FHOD3: variants seen among roughly 807,000 people sequenced by gnomAD.
The protein encoded by FHOD3 is FH1/FH2 domain-containing protein 3.
Under a neutral mutation model 173.0 loss-of-function variants are expected in FHOD3, and 90 were observed. The ratio of observed to expected loss-of-function variants is 0.52; its 90% CI spans 0.44 to 0.62. The LOEUF is 0.62. Among genes scored for constraint, FHOD3 ranks in the 20% least tolerant of loss-of-function variants. FHOD3 has a pLI of 0.00. For missense variants in FHOD3, 1,945 were observed against 2,034.7 expected (o/e 0.96, Z 0.85); for synonymous variants, 828 against 823.0 (o/e 1.01, Z -0.10).
chr18:36,365,945 T>G lies in FHOD3; in HGVS notation c.273-6735T>G, dbSNP rs556460232. Among the ~76,000 whole-genome samples, 3 of 152,238 alleles carry G rather than the reference T, an allele frequency of 2.0e-5. No individual in the cohort carries two copies. The East Asian group carries it at 5.8e-4, about 29-fold the overall frequency. ...AGTTGACCTGTTTTGGTAGGTCCCT[T>G]TTCCCCAAGTGCACAAACTTCACAC... On this transcript the variant is annotated intron_variant, in intron 2 of 28. Transcript: ENST00000590592.
intron 23 of FHOD3, among the ~76,000 whole-genome samples, chr18:36,746,660 T>C (rs185658718): frequency 2.6e-5 from 4 of 152,332 alleles, no homozygotes; most frequent in Admixed American, 2.0e-4. Context: ...GGTTCCTTGA[T>C]ATCATGTTTT....
intron 3 of FHOD3, among the ~76,000 whole-genome samples, chr18:36,392,092 ACCC>A (rs2048329144): frequency 6.6e-6 from 1 of 151,948 alleles, no homozygotes; most frequent in African/African-American, 2.4e-5. Context: ...CCTGGTTCAT[ACCC>A]TGGCACCACC....
At chr18:36,373,912 G>A (rs1328651981) in intron 3 of FHOD3, among the ~76,000 whole-genome samples, 1 of 152,164 alleles carries the variant, frequency 6.6e-6, no homozygotes, top group Non-Finnish European at 1.5e-5. Context: ...TCTGTGACAC[G>A]ACTTTGGATA....
intron 8 of FHOD3, among the ~76,000 whole-genome samples, chr18:36,608,363 A>C (rs2032312316): frequency 6.6e-6 from 1 of 152,212 alleles, no homozygotes; most frequent in Non-Finnish European, 1.5e-5. Flanking sequence ...GAACTCATCC[A>C]TTTACCAGGA....
chr18:36,779,265 G>A (rs985977874), intron 28 of FHOD3, 183 bp from the exon 29 acceptor site: 1 of 589,710 alleles, frequency 1.7e-6, no homozygotes, highest in Non-Finnish European at 3.0e-6. Flanking sequence ...CCAAACTTTT[G>A]TCCTGGCAGA....
intron 5 of FHOD3, among the ~76,000 whole-genome samples, chr18:36,524,865 A>G (rs1212059129): frequency 6.6e-6 from 1 of 152,124 alleles, no homozygotes; most frequent in Non-Finnish European, 1.5e-5. Context: ...GTGCTACCTC[A>G]TTGCTTTATG....
At chr18:36,445,257 C>G (rs2143997295) in intron 3 of FHOD3, among the ~76,000 whole-genome samples, 1 of 152,252 alleles carries the variant, frequency 6.6e-6, no homozygotes, top group Non-Finnish European at 1.5e-5. Context: ...TTAATCCATA[C>G]CTTTCCAGGC....
At chr18:36,705,836 C>G (rs1319469797) in intron 17 of FHOD3, among the ~76,000 whole-genome samples, 1 of 152,152 alleles carries the variant, frequency 6.6e-6, no homozygotes, top group East Asian at 1.9e-4. Context: ...ACTTTTCCTA[C>G]AGGATTATAT....
At chr18:36,668,443 A>AT (rs369488889) in intron 14 of FHOD3, among the ~76,000 whole-genome samples, 140 of 150,784 alleles carry the variant, frequency 9.3e-4, no homozygotes, top group African/African-American at 2.9e-3. Flanking sequence ...AGATTTATCA[A>AT]TTTTTTTTTG....
chr18:36,511,742 G>C (rs2055666308), intron 4 of FHOD3, among the ~76,000 whole-genome samples: 1 of 152,178 alleles, frequency 6.6e-6, no homozygotes, highest in Non-Finnish European at 1.5e-5. Flanking sequence ...TGGCTGATAG[G>C]TCTGGAGACT....
At chr18:36,363,908 T>G (rs568045831) in intron 2 of FHOD3, among the ~76,000 whole-genome samples, 1 of 152,170 alleles carries the variant, frequency 6.6e-6, no homozygotes, top group East Asian at 1.9e-4. Context: ...AGGGGCAGTG[T>G]GGATATATGA....
At chr18:36,401,534 G>A (rs1196656758) in intron 3 of FHOD3, among the ~76,000 whole-genome samples, 1 of 152,186 alleles carries the variant, frequency 6.6e-6, no homozygotes, top group Non-Finnish European at 1.5e-5. Flanking sequence ...TGTCTTCAGA[G>A]AGCACTAGAC....
intron 3 of FHOD3, among the ~76,000 whole-genome samples, chr18:36,389,554 A>G (rs1188195749): frequency 3.3e-5 from 5 of 151,640 alleles, no homozygotes; most frequent in African/African-American, 1.2e-4. Context: ...CCTCACTTCC[A>G]TTTCTCAGTG....
Position 36,746,930 on chromosome 18 carries a change from C to T in FHOD3, c.4042-15C>T, listed in dbSNP as rs369381170. ...GCGGTTTCAGTGTTTGCAGTGTTCTCGCTCTGATTTTCAGGTTGACTTTGA... is the reference window on the plus strand; with the variant it reads ...GCGGTTTCAGTGTTTGCAGTGTTCTTGCTCTGATTTTCAGGTTGACTTTGA... On this transcript the variant is annotated splice_polypyrimidine_tract_variant and intron_variant, in intron 23 of 28. Coordinates refer to ENST00000590592, the MANE Select transcript of FHOD3 (RefSeq NM_001281740.3). 8.0e-5 allele frequency: 127 copies of T among 1,594,198 alleles called. No homozygotes were observed. Among genetic ancestry groups the T allele is most frequent in the East Asian group, 3.4e-4 (15 of 44,162 alleles).
intron 10 of FHOD3, among the ~76,000 whole-genome samples, chr18:36,640,446 A>G (rs2035225633): frequency 6.6e-6 from 1 of 152,230 alleles, no homozygotes; most frequent in African/African-American, 2.4e-5. Context: ...CCTTAAAGTT[A>G]ACAGAAAGTG....
At chr18:36,440,063 AC>A (rs2051047176) in intron 3 of FHOD3, among the ~76,000 whole-genome samples, 1 of 152,082 alleles carries the variant, frequency 6.6e-6, no homozygotes, top group South Asian at 2.1e-4. Context: ...CTTAACCTCC[AC>A]CATCTTAGTG....
At chr18:36,653,001 C>G in intron 12 of FHOD3, 72 bp downstream of exon 12, 2 of 1,448,792 alleles carry the variant, frequency 1.4e-6, no homozygotes, top group Non-Finnish European at 1.8e-6. Context: ...AACTGCACCC[C>G]TTGGCTTGGC....
chr18:36,618,999 T>G lies in FHOD3; in HGVS notation c.958-6512T>G, dbSNP rs1490560210. Among the ~76,000 whole-genome samples, 5 of 152,326 alleles carry G rather than the reference T, an allele frequency of 3.3e-5. No homozygotes were observed. In the South Asian group the frequency reaches 8.3e-4, roughly 25 times the overall value. ...TGTTGTCTGTCTATATTCACCCTAGTGAAGTCAGCAGCCTTGGGGGCTCAT... is the reference window on the plus strand; with the variant it reads ...TGTTGTCTGTCTATATTCACCCTAGGGAAGTCAGCAGCCTTGGGGGCTCAT... On this transcript the variant is annotated intron_variant, in intron 9 of 28. Transcript: ENST00000590592.
chr18:36,689,809 A>C (rs1443613615), intron 16 of FHOD3, among the ~76,000 whole-genome samples: 1 of 152,156 alleles, frequency 6.6e-6, no homozygotes, highest in Non-Finnish European at 1.5e-5. Context: ...TGCAAAGAAA[A>C]GGTTGGAACT....
Sources: gnomAD v4.1 joint callset for allele counts (sites outside exome capture counted in the v4.1 genomes callset) on GRCh38, gnomAD v4.1.1 for gene constraint, MANE v1.5 for transcripts, NCBI Gene and HGNC (gene_info 2026-07-23, HGNC 2026-07-21) for gene names.